Variants in ARHGAP10 observed in about 807,000 individuals in gnomAD.
ARHGAP10 encodes the protein Rho GTPase activating protein 10, also known as rho GTPase-activating protein 10.
ARHGAP10 carries 87 observed loss-of-function variants against 108.6 expected under a neutral mutation model. That is an observed-to-expected ratio of 0.80 (90% CI 0.67 to 0.96). The LOEUF is 0.96. ARHGAP10 is among the 40% of genes least tolerant of loss of function. ARHGAP10 has a pLI of 0.00. For missense variants in ARHGAP10, 939 were observed against 954.5 expected (o/e 0.98, Z 0.21); for synonymous variants, 347 against 341.1 (o/e 1.02, Z -0.19).
chr4:147,906,023 G>C (rs539857559), intron 10 of ARHGAP10, among the ~76,000 whole-genome samples: 1 of 152,206 alleles, frequency 6.6e-6, no homozygotes, highest in South Asian at 2.1e-4. Context: ...CTCATGATTT[G>C]GCTCTCTTTG....
chr4:147,969,012 T>C (rs2149616187), intron 18 of ARHGAP10, among the ~76,000 whole-genome samples: 1 of 152,362 alleles, frequency 6.6e-6, no homozygotes, highest in East Asian at 1.9e-4. Context: ...AGAGATCTTT[T>C]TGTCCACTTA....
At chr4:148,012,016 C>G (rs1425400817) in intron 18 of ARHGAP10, among the ~76,000 whole-genome samples, 2 of 152,176 alleles carry the variant, frequency 1.3e-5, no homozygotes, top group Admixed American at 1.3e-4. Context: ...CCCAATTTGA[C>G]AGGTGGGCCA....
chr4:147,770,438 T>C (rs928187853), intron 1 of ARHGAP10, among the ~76,000 whole-genome samples: 4 of 152,152 alleles, frequency 2.6e-5, no homozygotes, highest in Admixed American at 2.0e-4. Context: ...GGCATGAGAA[T>C]TGCTTGAACC....
intron 15 of ARHGAP10, among the ~76,000 whole-genome samples, chr4:147,950,680 C>T (rs1359177136): frequency 6.6e-6 from 1 of 152,106 alleles, no homozygotes; most frequent in East Asian, 1.9e-4. Flanking sequence ...TGGCATCCCT[C>T]TTTTTCTTCT....
At chr4:147,868,234 G>A (rs1246291879) in intron 7 of ARHGAP10, among the ~76,000 whole-genome samples, 1 of 144,692 alleles carries the variant, frequency 6.9e-6, no homozygotes, top group Non-Finnish European at 1.5e-5. Context: ...ATGTTGTTGA[G>A]TTTTTTTTGT....
chr4:148,060,034 G>GAGACGAGAGAC (rs1162921502), intron 20 of ARHGAP10, among the ~76,000 whole-genome samples: 18 of 151,396 alleles, frequency 1.2e-4, no homozygotes, highest in Non-Finnish European at 8.8e-5. Context: ...AGACGAGAGA[G>GAGACGAGAGAC]AGACGAGAGA....
At chr4:148,036,510 G>A (rs1263851235) in intron 19 of ARHGAP10, among the ~76,000 whole-genome samples, 2 of 152,206 alleles carry the variant, frequency 1.3e-5, no homozygotes, top group African/African-American at 4.8e-5. Context: ...GGTTTTATAA[G>A]GGGGCTTTCC....
At chr4:147,995,738 A>G (rs979972363) in intron 18 of ARHGAP10, among the ~76,000 whole-genome samples, 3 of 151,778 alleles carry the variant, frequency 2.0e-5, no homozygotes, top group Non-Finnish European at 4.4e-5. Context: ...TTTTTTCATG[A>G]CGGAGTCTTG....
At chr4:148,070,093 G>T (rs566106777) in intron 22 of ARHGAP10, among the ~76,000 whole-genome samples, 1 of 152,260 alleles carries the variant, frequency 6.6e-6, no homozygotes, top group South Asian at 2.1e-4. Flanking sequence ...CTAGGTGCTG[G>T]GTCTCATGTT....
chr4:147,741,798 A>G (rs957200006), intron 1 of ARHGAP10, among the ~76,000 whole-genome samples: 90 of 57,866 alleles, frequency 1.6e-3, no homozygotes, highest in Middle Eastern at 0.01. Flanking sequence ...ACACGCACAC[A>G]CACACACACA....
rs773259300 is a variant in ARHGAP10, at chr4:147,966,811, T to G, written c.1688T>G (p.Val563Gly). 4.4e-6 allele frequency: 7 copies of G among 1,580,704 alleles called. No homozygotes were observed. In the East Asian group the frequency reaches 1.6e-4, roughly 36 times the overall value. The change falls in exon 18 of 23, where the codon GTG (valine) becomes GGG (glycine). Residue 563 changes from valine to glycine, a missense_variant. Coordinates refer to ENST00000336498, the MANE Select transcript of ARHGAP10 (RefSeq NM_024605.4). ...LMDLKFQNIV[V>G]EILIENHEKI... ...GACTTGAAGTTTCAGAATATTGTTGTGGAAATCTTAATTGAAAACCATGAA... is the reference window on the plus strand; with the variant it reads ...GACTTGAAGTTTCAGAATATTGTTGGGGAAATCTTAATTGAAAACCATGAA...
chr4:147,850,316 G>T (rs1733818556), intron 4 of ARHGAP10, among the ~76,000 whole-genome samples: 1 of 152,242 alleles, frequency 6.6e-6, no homozygotes, highest in Admixed American at 6.5e-5. Flanking sequence ...ATCCAAGCCA[G>T]CAGGGGCAAT....
At chr4:147,759,812 G>T (rs1729521871) in intron 1 of ARHGAP10, among the ~76,000 whole-genome samples, 1 of 152,120 alleles carries the variant, frequency 6.6e-6, no homozygotes, top group African/African-American at 2.4e-5. Flanking sequence ...GCAGTGGTGG[G>T]ATCTCAGCTC....
chr4:147,966,932 T>C, intron 18 of ARHGAP10, 93 bp downstream of exon 18: 1 of 1,174,678 alleles, frequency 8.5e-7, no homozygotes. Flanking sequence ...TCTCTCTCTC[T>C]GTTTAAAAAA....
intron 1 of ARHGAP10, among the ~76,000 whole-genome samples, chr4:147,819,508 A>G (rs1732393824): frequency 6.6e-6 from 1 of 151,822 alleles, no homozygotes; most frequent in Admixed American, 6.6e-5. Context: ...ATCCTATTAT[A>G]TCTTTTTTTA....
intron 13 of ARHGAP10, among the ~76,000 whole-genome samples, chr4:147,936,531 T>A (rs1001679746): frequency 6.6e-6 from 1 of 150,862 alleles, no homozygotes. Context: ...GGGTTTCACC[T>A]TGTTAGCCAG....
At chr4:147,774,813 C>T (rs1400274916) in intron 1 of ARHGAP10, among the ~76,000 whole-genome samples, 1 of 151,980 alleles carries the variant, frequency 6.6e-6, no homozygotes, top group Admixed American at 6.6e-5. Context: ...TTGTCATTGA[C>T]AGAGTCTCAA....
At chr4:148,041,896 C>T (rs983309928) in intron 19 of ARHGAP10, among the ~76,000 whole-genome samples, 16 of 152,184 alleles carry the variant, frequency 1.1e-4, no homozygotes, top group African/African-American at 3.4e-4. Flanking sequence ...CTCTCTTGGC[C>T]GGGAGATCCC....
At chr4:147,822,582 C>T in intron 1 of ARHGAP10, 145 bp from the exon 2 acceptor site, 1 of 760,640 alleles carries the variant, frequency 1.3e-6, no homozygotes, top group Non-Finnish European at 2.1e-6. Context: ...GATGGCGGGC[C>T]ATTTGGCAAG....
Sources: gnomAD v4.1 joint callset for allele counts (sites outside exome capture counted in the v4.1 genomes callset) on GRCh38, gnomAD v4.1.1 for gene constraint, MANE v1.5 for transcripts, NCBI Gene and HGNC (gene_info 2026-07-23, HGNC 2026-07-21) for gene names.